Variants in CPT1A observed in about 807,000 individuals in gnomAD.
The protein encoded by CPT1A is carnitine O-palmitoyltransferase 1, liver isoform.
CPT1A carries 64 observed loss-of-function variants against 100.8 expected under a neutral mutation model. The ratio of observed to expected loss-of-function variants is 0.63; its 90% CI spans 0.52 to 0.78. CPT1A has a LOEUF of 0.78. CPT1A is among the 30% of genes least tolerant of loss of function. The pLI is 0.00. For missense variants in CPT1A, 802 were observed against 1,034.1 expected (o/e 0.78, Z 3.08); for synonymous variants, 363 against 396.0 (o/e 0.92, Z 0.99).
At chr11:68,760,139 C>T (rs1946775174) in intron 17 of CPT1A, 86 bp downstream of exon 17, 2 of 936,774 alleles carry the variant, frequency 2.1e-6, no homozygotes, top group East Asian at 5.2e-5. Flanking sequence ...AACGGGGGCA[C>T]CCAGCACGGA....
At chr11:68,815,607 A>G (rs770513290) in intron 1 of CPT1A, 120 bp from the exon 2 acceptor site, 7 of 986,890 alleles carry the variant, frequency 7.1e-6, no homozygotes, top group South Asian at 1.4e-5. Context: ...AACAGATTTA[A>G]TACTTTTCAT....
At chr11:68,779,715 G>C (rs1855252187) in intron 12 of CPT1A, among the ~76,000 whole-genome samples, 1 of 150,538 alleles carries the variant, frequency 6.6e-6, no homozygotes, top group Admixed American at 6.7e-5. Flanking sequence ...AGAATGTCTT[G>C]AGCCTGGGCG....
At chr11:68,799,405 C>G (rs1051154051) in intron 5 of CPT1A, 50 bp from the exon 6 acceptor site, 2 of 1,596,774 alleles carry the variant, frequency 1.3e-6, no homozygotes, top group African/African-American at 2.7e-5. Flanking sequence ...ACATATTAAT[C>G]AAAGCCTATG....
At chr11:68,808,230 T>C (rs7112896) in intron 3 of CPT1A, among the ~76,000 whole-genome samples, 7,655 of 152,260 alleles carry the variant, frequency 0.05, 637 homozygotes, top group African/African-American at 0.17. Flanking sequence ...TTGACTTAGG[T>C]GTATTTAACA....
chr11:68,839,080 T>G (rs940366171), intron 1 of CPT1A, among the ~76,000 whole-genome samples: 9 of 151,774 alleles, frequency 5.9e-5, no homozygotes, highest in African/African-American at 2.2e-4. Context: ...GCACCAATTC[T>G]TCCGGAATTC....
intron 14 of CPT1A, among the ~76,000 whole-genome samples, chr11:68,769,342 T>A (rs908251969): frequency 1.3e-5 from 2 of 151,522 alleles, no homozygotes; most frequent in Non-Finnish European, 2.9e-5. Flanking sequence ...GCTCAAGTGA[T>A]CCTCCCACCT....
chr11:68,803,110 G>A (rs187148268), intron 5 of CPT1A, among the ~76,000 whole-genome samples: 30 of 152,118 alleles, frequency 2.0e-4, no homozygotes, highest in African/African-American at 5.3e-4. Context: ...AAAAACATTC[G>A]CCACCCAGCA....
chr11:68,754,931 A>G lies in CPT1A; in HGVS notation c.*2713T>C. The G allele has an allele frequency of 2.6e-6, 2 of 755,218 alleles. No individual in the cohort carries two copies. The allele number at this position is 755,218 out of a possible 1,614,324, so 46.8% of individuals were successfully genotyped here. Reference sequence around the variant, plus strand: ...TTTATTAATGATAACCTACATTCACACTGCATTTCTAAGATTTACATCCAA... The same window carrying G: ...TTTATTAATGATAACCTACATTCACGCTGCATTTCTAAGATTTACATCCAA... On this transcript the variant is annotated 3_prime_UTR_variant, in exon 19 of 19. Coordinates refer to ENST00000265641, the MANE Select transcript of CPT1A (RefSeq NM_001876.4).
At position 68,807,630 on chromosome 11, in the gene CPT1A, A is replaced by G. The variant is rs376120378; in HGVS notation, c.290T>C (p.Met97Thr). The change falls in exon 4 of 19, where the codon ATG becomes ACG. Residue 97 changes from methionine to threonine, a missense_variant. Physicochemically the swap from Met to Thr is moderately conservative, Grantham distance 81 (BLOSUM62 -1). This residue lies in a region of CPT1A where 161 missense variants were observed against 183.7 expected (regional missense o/e 0.88). Transcript: ENST00000265641. ...GACCACGTTCTTCGTCTGGCTGGACATGCAGTTGCTGTGGAGACAGACCCA... is the reference window on the plus strand; with the variant it reads ...GACCACGTTCTTCGTCTGGCTGGACGTGCAGTTGCTGTGGAGACAGACCCA... ...INRTLETANC[M>T]SSQTKNVVSG... The G allele has an allele frequency of 3.3e-5, 54 of 1,613,928 alleles. No homozygotes were observed. The highest frequency in any genetic ancestry group is 3.9e-5 in the Non-Finnish European group (46 of 1,180,042).
At chr11:68,837,702 G>A (rs945576636) in intron 1 of CPT1A, among the ~76,000 whole-genome samples, 3 of 152,144 alleles carry the variant, frequency 2.0e-5, no homozygotes, top group Non-Finnish European at 2.9e-5. Context: ...GGCAGGGCGA[G>A]GGGGCTTATG....
chr11:68,806,400 A>C (rs1010311539), intron 4 of CPT1A, among the ~76,000 whole-genome samples: 2 of 152,118 alleles, frequency 1.3e-5, no homozygotes, highest in Non-Finnish European at 2.9e-5. Context: ...TGGGAGGTCA[A>C]GGTGGGCCGA....
chr11:68,758,087 G>A (rs1594313344), intron 18 of CPT1A, among the ~76,000 whole-genome samples: 2 of 152,226 alleles, frequency 1.3e-5, no homozygotes, highest in Non-Finnish European at 1.5e-5. Flanking sequence ...GGGAAACATG[G>A]TGAAACCACA....
chr11:68,760,460 T>C, intron 16 of CPT1A, 122 bp from the exon 17 acceptor site: 2 of 823,490 alleles, frequency 2.4e-6, no homozygotes, highest in South Asian at 1.4e-5. Flanking sequence ...CACAAGTCTA[T>C]GTCTCCAAAG....
At chr11:68,839,223 C>CTCCGGTT (rs1272652925) in intron 1 of CPT1A, among the ~76,000 whole-genome samples, 3 of 152,214 alleles carry the variant, frequency 2.0e-5, no homozygotes, top group Non-Finnish European at 2.9e-5. Flanking sequence ...CCCGCGCAGG[C>CTCCGGTT]TCCGGTTTCC....
chr11:68,802,122 T>C (rs1594352078), intron 5 of CPT1A, among the ~76,000 whole-genome samples: 1 of 150,486 alleles, frequency 6.6e-6, no homozygotes, highest in South Asian at 2.1e-4. Flanking sequence ...GAGAGGGAGG[T>C]AGAAGGATGG....
At chr11:68,804,715 G>T (rs1855997264) in intron 4 of CPT1A, among the ~76,000 whole-genome samples, 1 of 152,210 alleles carries the variant, frequency 6.6e-6, no homozygotes, top group Non-Finnish European at 1.5e-5. Context: ...CTGCACCTAG[G>T]GTGAGTCTCA....
chr11:68,762,852 T>C, intron 14 of CPT1A, 91 bp from the exon 15 acceptor site: 2 of 1,503,166 alleles, frequency 1.3e-6, no homozygotes, highest in Middle Eastern at 1.7e-4. Context: ...CAAGGAGACG[T>C]GGACTTCATT....
intron 14 of CPT1A, 94 bp from the exon 15 acceptor site, chr11:68,762,855 A>C: frequency 6.7e-7 from 1 of 1,500,576 alleles, no homozygotes; most frequent in Non-Finnish European, 9.2e-7. Flanking sequence ...GGAGACGTGG[A>C]CTTCATTGTC....
intron 3 of CPT1A, among the ~76,000 whole-genome samples, chr11:68,811,505 C>T (rs894115362): frequency 1.8e-4 from 27 of 152,020 alleles, no homozygotes; most frequent in African/African-American, 6.3e-4. Flanking sequence ...GGTAAAGCAG[C>T]GGTGTTCACT....
Sources: gnomAD v4.1 joint callset for allele counts (sites outside exome capture counted in the v4.1 genomes callset) on GRCh38, gnomAD v4.1.1 for gene constraint, gnomAD v4.1.1 regional missense constraint, MANE v1.5 for transcripts, NCBI Gene and HGNC (gene_info 2026-07-23, HGNC 2026-07-21) for gene names.